Variants in KCNMB2 observed in about 807,000 individuals in gnomAD.
The protein encoded by KCNMB2 is potassium calcium-activated channel subfamily M regulatory beta subunit 2, also known as calcium-activated potassium channel subunit beta-2.
KCNMB2 carries 9 observed loss-of-function variants against 24.5 expected under a neutral mutation model. That is an observed-to-expected ratio of 0.37 (90% confidence interval 0.22 to 0.64). The LOEUF (loss-of-function observed/expected upper bound fraction) is 0.64. Ranked by LOEUF, KCNMB2 falls within the 30% of genes least tolerant of loss-of-function variation. The pLI, the probability that KCNMB2 is intolerant of heterozygous loss-of-function variation, is 0.63. For synonymous variants in KCNMB2, 109 were observed against 104.4 expected (o/e 1.04, Z -0.27); for missense variants, 226 against 284.3 (o/e 0.79, Z 1.47).
intron 1 of KCNMB2, among the ~76,000 whole-genome samples, chr3:178,700,232 C>A (rs1014396326): frequency 3.9e-5 from 6 of 152,156 alleles, no homozygotes; most frequent in Admixed American, 3.3e-4. Context: ...CTTATGGATA[C>A]TAAACTAGCT....
intron 1 of KCNMB2, among the ~76,000 whole-genome samples, chr3:178,750,175 C>T (rs781040683): frequency 9.9e-5 from 15 of 151,610 alleles, no homozygotes; most frequent in Non-Finnish European, 1.9e-4. Flanking sequence ...TCCACTTACT[C>T]TGCCAGTAAG....
chr3:178,547,292 C>G (rs1353985102), intron 1 of KCNMB2, among the ~76,000 whole-genome samples: 1 of 152,190 alleles, frequency 6.6e-6, no homozygotes, highest in African/African-American at 2.4e-5. Context: ...GTATAAATTA[C>G]TCAGTCTCAG....
chr3:178,807,374 A>G lies in KCNMB2; in HGVS notation c.-36A>G, dbSNP rs570965521. 5.0e-6 allele frequency: 8 copies of G among 1,593,460 alleles called. No individual in the cohort carries two copies. Among genetic ancestry groups the G allele is most frequent in the Middle Eastern group, 1.7e-4 (1 of 6,004 alleles). On this transcript the variant is annotated 5_prime_UTR_variant, in exon 2 of 5. Coordinates refer to ENST00000452583, the MANE Select transcript of KCNMB2 (RefSeq NM_181361.3). ...TTGCCATTCCTCCAGGACATCCACC[A>G]TAAGGAAAGGAGACCCTGGACCAAC...
chr3:178,549,102 T>TAAATATAGTG (rs1316721338), intron 1 of KCNMB2, among the ~76,000 whole-genome samples: 1 of 152,200 alleles, frequency 6.6e-6, no homozygotes, highest in Non-Finnish European at 1.5e-5. Flanking sequence ...TTTAGTACGC[T>TAAATATAGTG]TTTCTTTAAA....
At chr3:178,815,080 C>T (rs1156372607) in intron 2 of KCNMB2, among the ~76,000 whole-genome samples, 1 of 152,050 alleles carries the variant, frequency 6.6e-6, no homozygotes, top group Non-Finnish European at 1.5e-5. Context: ...TATAAAAAGG[C>T]AATTGACTAT....
intron 1 of KCNMB2, among the ~76,000 whole-genome samples, chr3:178,779,492 G>A (rs1014387347): frequency 7.9e-5 from 12 of 152,240 alleles, no homozygotes; most frequent in Non-Finnish European, 1.8e-4. Context: ...ATTAGAATTT[G>A]AAAAAGTTCA....
chr3:178,664,874 T>C (rs1408753326), intron 1 of KCNMB2, among the ~76,000 whole-genome samples: 3 of 152,140 alleles, frequency 2.0e-5, no homozygotes, highest in African/African-American at 7.2e-5. Context: ...ATTGTGAAGA[T>C]AATTTTTCTT....
chr3:178,688,273 C>T (rs769431086), intron 1 of KCNMB2, among the ~76,000 whole-genome samples: 2 of 152,002 alleles, frequency 1.3e-5, no homozygotes, highest in Non-Finnish European at 2.9e-5. Flanking sequence ...AAAAATAAAG[C>T]TAGTGATAGC....
intron 1 of KCNMB2, among the ~76,000 whole-genome samples, chr3:178,747,770 C>T (rs1302811807): frequency 6.6e-6 from 1 of 152,166 alleles, no homozygotes; most frequent in Non-Finnish European, 1.5e-5. Flanking sequence ...TCTCTTGGTC[C>T]TGATTCTACC....
chr3:178,719,439 A>T (rs768029191), intron 1 of KCNMB2, among the ~76,000 whole-genome samples: 4 of 152,110 alleles, frequency 2.6e-5, no homozygotes, highest in Admixed American at 6.5e-5. Flanking sequence ...AGCTTGTGTG[A>T]CTCTGTTCTG....
At chr3:178,637,171 G>A (rs922429327) in intron 1 of KCNMB2, among the ~76,000 whole-genome samples, 2 of 152,094 alleles carry the variant, frequency 1.3e-5, no homozygotes, top group Admixed American at 6.5e-5. Flanking sequence ...ACATATGCAA[G>A]CATGTATCTT....
chr3:178,542,105 C>T (rs531972632), intron 1 of KCNMB2, among the ~76,000 whole-genome samples: 11 of 152,302 alleles, frequency 7.2e-5, no homozygotes, highest in South Asian at 2.1e-4. Flanking sequence ...TCCAAGTGTG[C>T]GCTCACCATT....
intron 1 of KCNMB2, among the ~76,000 whole-genome samples, chr3:178,681,117 C>T (rs1484559176): frequency 6.6e-6 from 1 of 152,154 alleles, no homozygotes. Context: ...AACAGATATA[C>T]AGATACTCCA....
chr3:178,765,499 A>G (rs1712077434), intron 1 of KCNMB2, among the ~76,000 whole-genome samples: 1 of 152,238 alleles, frequency 6.6e-6, no homozygotes, highest in African/African-American at 2.4e-5. Flanking sequence ...TGTTTACTTC[A>G]GTAAACATGA....
At chr3:178,635,293 C>G (rs1719477321) in intron 1 of KCNMB2, among the ~76,000 whole-genome samples, 1 of 152,098 alleles carries the variant, frequency 6.6e-6, no homozygotes, top group South Asian at 2.1e-4. Context: ...TATTTTCTTC[C>G]TTGCCAGTAG....
intron 1 of KCNMB2, among the ~76,000 whole-genome samples, chr3:178,716,161 G>A (rs1722611548): frequency 6.6e-6 from 1 of 151,132 alleles, no homozygotes; most frequent in African/African-American, 2.5e-5. Flanking sequence ...CCCGCTAACA[G>A]TGAGTTTAGC....
chr3:178,664,944 C>T (rs910112765), intron 1 of KCNMB2, among the ~76,000 whole-genome samples: 3 of 151,960 alleles, frequency 2.0e-5, no homozygotes, highest in African/African-American at 7.2e-5. Flanking sequence ...AACATTTTGC[C>T]CTGAGCAAGA....
At chr3:178,768,410 C>T (rs377169608) in intron 1 of KCNMB2, among the ~76,000 whole-genome samples, 3 of 151,946 alleles carry the variant, frequency 2.0e-5, no homozygotes, top group Non-Finnish European at 2.9e-5. Flanking sequence ...AGCATCAGAG[C>T]AAGTGAAGAC....
chr3:178,766,871 A>C (rs1712143375), intron 1 of KCNMB2, among the ~76,000 whole-genome samples: 1 of 152,218 alleles, frequency 6.6e-6, no homozygotes, highest in Admixed American at 6.5e-5. Flanking sequence ...TGCCCTAAGG[A>C]AATGCTTACA....
Sources: gnomAD v4.1 joint callset for allele counts (sites outside exome capture counted in the v4.1 genomes callset) on GRCh38, gnomAD v4.1.1 for gene constraint, MANE v1.5 for transcripts, NCBI Gene and HGNC (gene_info 2026-07-23, HGNC 2026-07-21) for gene names.